Variants in PCDH15 observed in about 807,000 individuals in gnomAD.
PCDH15 encodes the protein protocadherin related 15.
Under a neutral mutation model 178.5 loss-of-function variants are expected in PCDH15, and 129 were observed. The observed-to-expected ratio is 0.72, with a 90% CI of 0.63 to 0.84. PCDH15 has a LOEUF of 0.84. Ranked by LOEUF, PCDH15 falls within the 40% of genes least tolerant of loss-of-function variation. The pLI is 0.00. For synonymous variants in PCDH15, 800 were observed against 732.0 expected (o/e 1.09, Z -1.50); for missense variants, 2,230 against 2,099.9 (o/e 1.06, Z -1.21).
At chr10:55,129,110 C>A (rs1166389156) in intron 2 of PCDH15, among the ~76,000 whole-genome samples, 1 of 152,062 alleles carries the variant, frequency 6.6e-6, no homozygotes. Flanking sequence ...GAATCTTAAT[C>A]TTTTGTCAGT....
chr10:53,998,923 G>A (rs1258546360), intron 20 of PCDH15, among the ~76,000 whole-genome samples: 2 of 151,796 alleles, frequency 1.3e-5, no homozygotes, highest in African/African-American at 2.4e-5. Context: ...ATGGTGGCGG[G>A]CACCTGTAAT....
chr10:54,518,581 C>A (rs2082479024), intron 3 of PCDH15, among the ~76,000 whole-genome samples: 1 of 152,108 alleles, frequency 6.6e-6, no homozygotes, highest in Non-Finnish European at 1.5e-5. Context: ...AGCTTACCAA[C>A]CAAAAAGAGT....
intron 2 of PCDH15, among the ~76,000 whole-genome samples, chr10:55,107,312 A>G (rs1174661388): frequency 6.6e-6 from 1 of 152,162 alleles, no homozygotes; most frequent in Non-Finnish European, 1.5e-5. Flanking sequence ...CATGGCATCA[A>G]TGGCCATAAG....
chr10:54,827,634 CAT>C (rs1176103865), intron 3 of PCDH15, among the ~76,000 whole-genome samples: 1 of 152,076 alleles, frequency 6.6e-6, no homozygotes, highest in African/African-American at 2.4e-5. Context: ...TGATTTTCAA[CAT>C]AGAAGATCTG....
chr10:54,572,680 C>T (rs1410894256), intron 2 of PCDH15, among the ~76,000 whole-genome samples: 1 of 152,100 alleles, frequency 6.6e-6, no homozygotes, highest in Non-Finnish European at 1.5e-5. Flanking sequence ...GAATCCATTA[C>T]ACTGCTTCAA....
intron 1 of PCDH15, among the ~76,000 whole-genome samples, chr10:54,793,472 A>T (rs61854140): frequency 0.1 from 15,552 of 151,688 alleles, 1,541 homozygotes; most frequent in East Asian, 0.5. Context: ...TTATTTTTCT[A>T]AGTCAATTTA....
At chr10:54,731,543 T>TAG (rs369968742) in intron 1 of PCDH15, among the ~76,000 whole-genome samples, 3 of 28,196 alleles carry the variant, frequency 1.1e-4, no homozygotes, top group Admixed American at 3.0e-4. Context: ...AAATGTGAGA[T>TAG]AGATATATAT....
chr10:55,483,479 A>G (rs1368602948), intron 2 of PCDH15, among the ~76,000 whole-genome samples: 8 of 151,804 alleles, frequency 5.3e-5, no homozygotes, highest in Admixed American at 2.0e-4. Context: ...GATGCTAGTG[A>G]GATTGTGGAG....
chr10:53,990,261 T>C (rs951677938), intron 21 of PCDH15, among the ~76,000 whole-genome samples: 1 of 152,086 alleles, frequency 6.6e-6, no homozygotes, highest in Non-Finnish European at 1.5e-5. Context: ...TCTGAAACGC[T>C]ACAATAGTTC....
chr10:54,404,393 C>A (rs1225203229), intron 3 of PCDH15, among the ~76,000 whole-genome samples: 1 of 151,918 alleles, frequency 6.6e-6, no homozygotes, highest in African/African-American at 2.4e-5. Context: ...TGATCTTTGA[C>A]AAAGCTGACA....
At chr10:54,472,829 G>A (rs1035531367) in intron 3 of PCDH15, among the ~76,000 whole-genome samples, 1 of 152,126 alleles carries the variant, frequency 6.6e-6, no homozygotes, top group South Asian at 2.1e-4. Flanking sequence ...CACATAGGTA[G>A]AGGCATGGGA....
intron 8 of PCDH15, among the ~76,000 whole-genome samples, chr10:54,266,588 A>T (rs535996194): frequency 6.6e-6 from 1 of 152,116 alleles, no homozygotes; most frequent in Non-Finnish European, 1.5e-5. Context: ...AGAAGATCCA[A>T]ATAAGCACAA....
At position 54,876,686 on chromosome 10, in the gene PCDH15, C is replaced by T. The variant is rs979715512; in HGVS notation, c.-29+20764G>A. Among the ~76,000 whole-genome samples the T allele has an allele frequency of 5.9e-5, 9 of 152,066 alleles. No homozygotes were observed. The South Asian group carries it at 6.2e-4, about 10-fold the overall frequency. ...GGGAACTAGAATTAGAAGCAGAGCT[C>T]GAAGAGGTGACTTAATTGCTGCCAT... On this transcript the variant is annotated intron_variant, in intron 3 of 5. Coordinates refer to the PCDH15 transcript ENST00000458638.
intron 2 of PCDH15, among the ~76,000 whole-genome samples, chr10:55,430,851 T>G (rs1838864994): frequency 1.3e-5 from 2 of 152,278 alleles, no homozygotes; most frequent in East Asian, 1.9e-4. Flanking sequence ...TATTAGGAAT[T>G]CACGACTACC....
At chr10:55,007,054 C>CT (rs1294441592) in intron 2 of PCDH15, among the ~76,000 whole-genome samples, 4 of 152,114 alleles carry the variant, frequency 2.6e-5, no homozygotes. Flanking sequence ...CTCTCTCTTG[C>CT]TCTTGCTTTT....
intron 23 of PCDH15, among the ~76,000 whole-genome samples, chr10:53,950,591 G>A (rs1048878293): frequency 1.3e-5 from 2 of 152,070 alleles, no homozygotes; most frequent in African/African-American, 2.4e-5. Flanking sequence ...TATTCCAGAC[G>A]TGTTGACCTT....
At chr10:55,540,867 T>C (rs1841743923) in intron 2 of PCDH15, among the ~76,000 whole-genome samples, 1 of 152,082 alleles carries the variant, frequency 6.6e-6, no homozygotes, top group Non-Finnish European at 1.5e-5. Context: ...TAGAATTTTG[T>C]CTTATATTTA....
intron 1 of PCDH15, among the ~76,000 whole-genome samples, chr10:54,766,434 T>C (rs1159873222): frequency 6.6e-6 from 1 of 152,068 alleles, no homozygotes; most frequent in Admixed American, 6.6e-5. Flanking sequence ...TTAATTACCA[T>C]TTAAAGCTTA....
chr10:54,842,694 C>T lies in PCDH15; in HGVS notation c.-29+54756G>A, dbSNP rs375746768. 8.6e-5 allele frequency among the ~76,000 whole-genome samples: 13 copies of T among 151,814 alleles called. 1 individual carries two copies. Among genetic ancestry groups the T allele is most frequent in the Admixed American group, 2.0e-4 (3 of 15,190 alleles). On this transcript the variant is annotated intron_variant, in intron 3 of 5. Coordinates refer to the PCDH15 transcript ENST00000458638. ...GCTCCAATTTATGTAACTACAACAG[C>T]GATTATCTTATTTATTTTGTATACA...
Sources: allele counts gnomAD v4.1 joint callset (sites outside exome capture counted in the v4.1 genomes callset), GRCh38; gene constraint gnomAD v4.1.1; transcripts MANE v1.5; gene names NCBI Gene and HGNC (gene_info 2026-07-23, HGNC 2026-07-21).